The following BDNF variants were observed in gnomAD, a reference collection of about 807,000 sequenced individuals.
BDNF encodes the protein neurotrophic factor BDNF precursor form.
In BDNF, 1 loss-of-function variant was observed where a neutral mutation model predicts 19.5. The ratio of observed to expected loss-of-function variants is 0.05; its 90% CI spans 0.02 to 0.24. The LOEUF is 0.24. Ranked by LOEUF, BDNF falls within the 10% of genes least tolerant of loss-of-function variation. BDNF has a pLI of 1.00. For synonymous variants in BDNF, 100 were observed against 121.6 expected (o/e 0.82, Z 1.17); for missense variants, 195 against 317.6 (o/e 0.61, Z 2.93).
At chr11:27,663,453 T>C (rs1853786187) in intron 1 of BDNF, among the ~76,000 whole-genome samples, 1 of 152,260 alleles carries the variant, frequency 6.6e-6, no homozygotes, top group South Asian at 2.1e-4. Flanking sequence ...TCACAAGTCT[T>C]AGACATTTCA....
chr11:27,714,913 C>G (rs758328993), intron 1 of BDNF, among the ~76,000 whole-genome samples: 1 of 152,024 alleles, frequency 6.6e-6, no homozygotes, highest in Non-Finnish European at 1.5e-5. Flanking sequence ...GGCTTTTAAT[C>G]TTATTCACTG....
intron 1 of BDNF, chr11:27,691,066 A>G (rs1228414498): frequency 1.3e-5 from 2 of 152,228 alleles, no homozygotes; most frequent in African/African-American, 4.8e-5. Flanking sequence ...AAACATTTTT[A>G]TTGTCTCAAT....
chr11:27,667,463 ATG>A, intron 1 of BDNF, among the ~76,000 whole-genome samples: 1 of 152,210 alleles, frequency 6.6e-6, no homozygotes. Flanking sequence ...GTTAAAAGAC[ATG>A]GACTGGCAAA....
intron 1 of BDNF, among the ~76,000 whole-genome samples, chr11:27,662,278 T>G (rs1853582213): frequency 6.6e-6 from 1 of 152,220 alleles, no homozygotes; most frequent in African/African-American, 2.4e-5. Context: ...AGCTGAAAGG[T>G]AAGTTCTTTG....
exon 1 of BDNF, chr11:27,721,747 G>T (rs537704842): frequency 2.3e-6 from 1 of 432,672 alleles, no homozygotes; most frequent in Non-Finnish European, 4.2e-6. Flanking sequence ...ACCAATGATT[G>T]CCCAACTGCC....
chr11:27,664,316 C>G (rs1215607733), intron 1 of BDNF, among the ~76,000 whole-genome samples: 1 of 152,148 alleles, frequency 6.6e-6, no homozygotes, highest in African/African-American at 2.4e-5. Context: ...ATTCATTCAT[C>G]ACACATGAAG....
At chr11:27,688,814 T>C (rs1315924947) in intron 1 of BDNF, among the ~76,000 whole-genome samples, 1 of 152,230 alleles carries the variant, frequency 6.6e-6, no homozygotes, top group African/African-American at 2.4e-5. Context: ...ACCTTCTGCA[T>C]TGATCTCTCT....
At chr11:27,690,919 A>C (rs555726371) in intron 1 of BDNF, among the ~76,000 whole-genome samples, 3 of 152,224 alleles carry the variant, frequency 2.0e-5, no homozygotes, top group Admixed American at 2.0e-4. Flanking sequence ...AAAATCCATC[A>C]TAAAATCATA....
In BDNF at chr11:27,700,445, C is replaced by T. The variant is rs1859781750; in HGVS notation, c.-303G>A. 2 of 984,288 alleles carry T rather than the reference C, an allele frequency of 2.0e-6. No individual in the cohort carries two copies. The allele number at this position is 984,288 out of a possible 1,614,324, so 61.0% of individuals were successfully genotyped here. ...CGGCGGCAGCGTCGGGGACCCGGAG[C>T]TCCAGGCTGCGCCTTGCGCCCGGGT... On this transcript the variant is annotated 5_prime_UTR_variant, in exon 1 of 2. Transcript: ENST00000356660.
chr11:27,683,681 G>T (rs985643129), intron 1 of BDNF, among the ~76,000 whole-genome samples: 3 of 152,140 alleles, frequency 2.0e-5, no homozygotes, highest in African/African-American at 7.2e-5. Context: ...TGCATTGCTT[G>T]TTTTTGTCAT....
chr11:27,662,804 G>C (rs1193309109), intron 1 of BDNF, among the ~76,000 whole-genome samples: 1 of 152,230 alleles, frequency 6.6e-6, no homozygotes, highest in African/African-American at 2.4e-5. Flanking sequence ...TGTGCAGCCT[G>C]GTTCCTAACA....
intron 1 of BDNF, among the ~76,000 whole-genome samples, chr11:27,709,350 TA>T (rs1860237991): frequency 6.6e-6 from 1 of 152,190 alleles, no homozygotes; most frequent in South Asian, 2.1e-4. Context: ...AGTGTCTCAA[TA>T]GTCATAAAGT....
intron 1 of BDNF, among the ~76,000 whole-genome samples, chr11:27,718,265 A>C (rs2134114814): frequency 6.6e-6 from 1 of 152,240 alleles, no homozygotes; most frequent in South Asian, 2.1e-4. Flanking sequence ...GAAAGAAAAA[A>C]ATAATAATTC....
intron 1 of BDNF, among the ~76,000 whole-genome samples, chr11:27,707,846 G>T (rs1215788718): frequency 2.0e-5 from 3 of 152,204 alleles, no homozygotes; most frequent in East Asian, 1.9e-4. Flanking sequence ...ACCTGGGAAT[G>T]GGGGGTGGTG....
At chr11:27,711,895 C>T (rs543340029) in intron 1 of BDNF, among the ~76,000 whole-genome samples, 1 of 152,296 alleles carries the variant, frequency 6.6e-6, no homozygotes, top group Admixed American at 6.5e-5. Flanking sequence ...TTAAGCAATG[C>T]TGAGTTAATG....
At chr11:27,679,319 C>T (rs1856572401) in intron 1 of BDNF, among the ~76,000 whole-genome samples, 1 of 152,200 alleles carries the variant, frequency 6.6e-6, no homozygotes, top group African/African-American at 2.4e-5. Context: ...TATGTTATCT[C>T]AAGCCGAGGC....
At position 27,672,794 on chromosome 11, in the gene BDNF, G is replaced by GA. The variant is rs201704405; in HGVS notation, c.-21-14210_-21-14209insT. Among the ~76,000 whole-genome samples the GA allele has an allele frequency of 7.6e-3, 1,152 of 152,132 alleles. 3 individuals are homozygous for GA. The highest frequency in any genetic ancestry group is 0.012 in the Non-Finnish European group (819 of 67,984). On this transcript the variant is annotated intron_variant, in intron 1 of 1. Coordinates refer to ENST00000356660, the MANE Select transcript of BDNF (RefSeq NM_001709.5). ...AAATGGCTTTTAAAAAAGGAAAAAAGGTTAGATTTCCAGAGAAAAGTGTAA... is the reference window on the plus strand; with the variant it reads ...AAATGGCTTTTAAAAAAGGAAAAAAGAGTTAGATTTCCAGAGAAAAGTGTAA...
Position 27,657,283 on chromosome 11 carries a change from C to G in BDNF, c.*538G>C, listed in dbSNP as rs1224954033. 1.0e-6 allele frequency: 1 copy of G among 987,126 alleles called. No individual in the cohort carries two copies. Among genetic ancestry groups the G allele is most frequent in the East Asian group, 1.1e-4 (1 of 8,846 alleles). 61.1% of individuals were successfully genotyped at this position (987,126 alleles called of 1,614,324 possible). On this transcript the variant is annotated 3_prime_UTR_variant, in exon 2 of 2. Coordinates refer to ENST00000356660, the MANE Select transcript of BDNF (RefSeq NM_001709.5). This position sits in a 1 kb window ranked among gnomAD's most constrained non-coding sequence, Gnocchi z 5.0. ...CACAAAACAAACAAAAATATACCCC[C>G]CATCCCCCATCCCCTAAGCCAGTAA...
chr11:27,684,685 T>C (rs1190298133), intron 1 of BDNF, among the ~76,000 whole-genome samples: 1 of 152,248 alleles, frequency 6.6e-6, no homozygotes. Flanking sequence ...TGGTTCTCTT[T>C]ATGTGATGGA....
Sources: gnomAD v4.1 joint callset for allele counts (sites outside exome capture counted in the v4.1 genomes callset) on GRCh38, gnomAD v4.1.1 for gene constraint, Gnocchi (gnomAD v3.1) non-coding constraint, MANE v1.5 for transcripts, NCBI Gene and HGNC (gene_info 2026-07-23, HGNC 2026-07-21) for gene names.